SLC30A10: variants seen among roughly 807,000 people sequenced by gnomAD.
SLC30A10 encodes the protein solute carrier family 30 member 10, also known as calcium/manganese antiporter SLC30A10.
In SLC30A10, 8 loss-of-function variants were observed where a neutral mutation model predicts 21.7. That is an observed-to-expected ratio of 0.37 (90% CI 0.22 to 0.67). The LOEUF (loss-of-function observed/expected upper bound fraction) is 0.67. Among genes scored for constraint, SLC30A10 ranks in the 30% least tolerant of loss-of-function variants. SLC30A10 has a pLI of 0.58. For missense variants in SLC30A10, 521 were observed against 642.5 expected, an observed-to-expected ratio of 0.81 and a Z score of 2.04; for synonymous variants, 272 against 279.4, an observed-to-expected ratio of 0.97 and a Z score of 0.26.
chr1:219,922,011 T>G (rs893666137), intron 2 of SLC30A10, among the ~76,000 whole-genome samples: 6 of 151,292 alleles, frequency 4.0e-5, no homozygotes, highest in African/African-American at 1.5e-4. Context: ...TGGAGTACAG[T>G]GGCACAATCA....
chr1:219,956,859 T>C (rs1246744118), intron 1 of SLC30A10, among the ~76,000 whole-genome samples: 3 of 152,160 alleles, frequency 2.0e-5, no homozygotes, highest in Non-Finnish European at 2.9e-5. Context: ...CCAAGTTTCA[T>C]ACTGGTCAGA....
In SLC30A10 at chr1:219,911,753, T is replaced by C. The variant is rs1659420414; in HGVS notation, c.*3696A>G. ...TTAATTATTAAAAAGACTATGGGACTTTGGAGAGGCTTTCATTAACATTGT... is the reference window on the plus strand; with the variant it reads ...TTAATTATTAAAAAGACTATGGGACCTTGGAGAGGCTTTCATTAACATTGT... On this transcript the variant is annotated 3_prime_UTR_variant, in exon 4 of 4. Coordinates refer to ENST00000366926, the MANE Select transcript of SLC30A10 (RefSeq NM_018713.3). 6.6e-6 allele frequency among the ~76,000 whole-genome samples: 1 copy of C among 152,170 alleles called. No homozygotes were observed. Among genetic ancestry groups the C allele is most frequent in the African/African-American group, 2.4e-5 (1 of 41,442 alleles).
At chr1:219,940,749 G>A (rs1397464699) in intron 1 of SLC30A10, among the ~76,000 whole-genome samples, 1 of 152,214 alleles carries the variant, frequency 6.6e-6, no homozygotes, top group Non-Finnish European at 1.5e-5. Flanking sequence ...GACAGGCACA[G>A]GAAGGCCGAG....
chr1:219,937,573 G>T (rs1232604492), intron 1 of SLC30A10, among the ~76,000 whole-genome samples: 11 of 152,196 alleles, frequency 7.2e-5, no homozygotes, highest in Admixed American at 7.2e-4. Flanking sequence ...CCAACATTTT[G>T]GGATGCCAAG....
At chr1:219,947,729 C>T (rs913178398) in intron 1 of SLC30A10, among the ~76,000 whole-genome samples, 3 of 152,022 alleles carry the variant, frequency 2.0e-5, no homozygotes, top group African/African-American at 7.2e-5. Context: ...ACTTGGGAGG[C>T]CAAGGCAGGA....
chr1:219,942,801 C>T (rs1033687129), intron 1 of SLC30A10, among the ~76,000 whole-genome samples: 1 of 152,138 alleles, frequency 6.6e-6, no homozygotes, highest in Non-Finnish European at 1.5e-5. Context: ...TCCCAGCATT[C>T]TGGGAGGCTG....
intron 2 of SLC30A10, among the ~76,000 whole-genome samples, chr1:219,925,781 G>A (rs951013394): frequency 2.6e-4 from 38 of 144,428 alleles, no homozygotes; most frequent in African/African-American, 8.3e-4. Context: ...TCAGCCTCCC[G>A]AGTAGCTGGG....
At chr1:219,941,290 G>C (rs1396833369) in intron 1 of SLC30A10, among the ~76,000 whole-genome samples, 3 of 152,208 alleles carry the variant, frequency 2.0e-5, no homozygotes. Flanking sequence ...AACAGCTTCA[G>C]CTCAGGAGTT....
chr1:219,952,667 T>A (rs1428657365), intron 1 of SLC30A10, among the ~76,000 whole-genome samples: 3 of 152,228 alleles, frequency 2.0e-5, no homozygotes, highest in South Asian at 2.1e-4. Context: ...TTCAAATGTA[T>A]GTGATATGAT....
At chr1:219,934,762 T>C (rs1660024851) in intron 1 of SLC30A10, among the ~76,000 whole-genome samples, 1 of 152,178 alleles carries the variant, frequency 6.6e-6, no homozygotes, top group Non-Finnish European at 1.5e-5. Flanking sequence ...TTCCTTGGGC[T>C]ATTAGATTCA....
rs59876760 is a variant in SLC30A10, at chr1:219,911,148, A to AGTTTTTTTTTTGTTTTTT, written c.*4300_*4301insAAAAAACAAAAAAAAAAC. On this transcript the variant is annotated 3_prime_UTR_variant, in exon 4 of 4. Coordinates refer to ENST00000366926, the MANE Select transcript of SLC30A10 (RefSeq NM_018713.3). ...CATGTTTCTTCATTTTTTCTACATC[A>AGTTTTTTTTTTGTTTTTT]GTTTTTTTTTTTTTTTTTTTTTTTT... Among the ~76,000 whole-genome samples the AGTTTTTTTTTTGTTTTTT allele has an allele frequency of 2.6e-5, 1 of 38,590 alleles. No individual in the cohort carries two copies. Among genetic ancestry groups the AGTTTTTTTTTTGTTTTTT allele is most frequent in the Admixed American group, 3.5e-4 (1 of 2,840 alleles). The allele number at this position is 38,590 out of a possible 152,430, so 25.3% of individuals were successfully genotyped here.
chr1:219,937,436 C>T (rs1660061101), intron 1 of SLC30A10, among the ~76,000 whole-genome samples: 1 of 152,232 alleles, frequency 6.6e-6, no homozygotes, highest in Non-Finnish European at 1.5e-5. Flanking sequence ...CTGCTTTCTA[C>T]ATCAGGAAAC....
intron 1 of SLC30A10, among the ~76,000 whole-genome samples, chr1:219,954,467 G>T (rs1660316286): frequency 6.6e-6 from 1 of 151,852 alleles, no homozygotes; most frequent in Non-Finnish European, 1.5e-5. Flanking sequence ...ATCACTTGAG[G>T]CCAGGAGTTC....
chr1:219,946,074 A>C (rs1267715122), intron 1 of SLC30A10, among the ~76,000 whole-genome samples: 2 of 152,240 alleles, frequency 1.3e-5, no homozygotes, highest in Non-Finnish European at 2.9e-5. Context: ...CTATTAATAC[A>C]TAAGTTCAAA....
chr1:219,941,530 TCCC>T, intron 1 of SLC30A10, among the ~76,000 whole-genome samples: 1 of 99,812 alleles, frequency 1.0e-5, no homozygotes, highest in African/African-American at 4.6e-5. Context: ...CCTCTCTTCT[TCCC>T]TTCCTTCCTT....
chr1:219,945,058 A>C (rs1028945941), intron 1 of SLC30A10, among the ~76,000 whole-genome samples: 1 of 152,232 alleles, frequency 6.6e-6, no homozygotes. Flanking sequence ...GCTGAAAGAA[A>C]AAAAGCCCAT....
chr1:219,930,283 G>A (rs1005125884), upstream of SLC30A10, among the ~76,000 whole-genome samples: 1 of 151,986 alleles, frequency 6.6e-6, no homozygotes, highest in African/African-American at 2.4e-5. Context: ...ATCAGCCTGG[G>A]CAATATAGGG....
rs552880723 is a variant in SLC30A10, at chr1:219,918,804, C to G, written c.719-310G>C. Reference sequence around the variant, plus strand: ...ACCACTCACCACCCATCAAAGGGCACCAAGCTGGAAAACAGGGGCTGTGCA... The same window carrying G: ...ACCACTCACCACCCATCAAAGGGCAGCAAGCTGGAAAACAGGGGCTGTGCA... On this transcript the variant is annotated intron_variant, in intron 2 of 3. Transcript: ENST00000366926. The surrounding 1 kb of genome is among the most constrained non-coding windows in gnomAD (Gnocchi z 4.4). 1.1e-3 allele frequency: 312 copies of G among 280,830 alleles called. 2 individuals carry two copies. Among genetic ancestry groups the G allele is most frequent in the African/African-American group, 6.5e-3 (300 of 46,078 alleles). The allele number at this position is 280,830 out of a possible 1,614,324, so 17.4% of individuals were successfully genotyped here. A position where few individuals can be genotyped will look rare whatever the true frequency, so the allele number is the denominator to read the frequency against.
At chr1:219,927,145 T>TACAA in intron 1 of SLC30A10, 40 bp from the exon 2 acceptor site, 1 of 1,605,692 alleles carries the variant, frequency 6.2e-7, no homozygotes, top group Non-Finnish European at 8.5e-7. Context: ...GTATAAGTTC[T>TACAA]ACAAACAAAC....
Sources: gnomAD v4.1 joint callset for allele counts (sites outside exome capture counted in the v4.1 genomes callset) on GRCh38, gnomAD v4.1.1 for gene constraint, Gnocchi (gnomAD v3.1) non-coding constraint, MANE v1.5 for transcripts, NCBI Gene and HGNC (gene_info 2026-07-23, HGNC 2026-07-21) for gene names.